NUP54: variants seen among roughly 807,000 people sequenced by gnomAD.
NUP54 encodes nucleoporin 54.
Under a neutral mutation model 66.4 loss-of-function variants are expected in NUP54, and 27 were observed. That is an observed-to-expected ratio of 0.41 (90% CI 0.30 to 0.56). The LOEUF (loss-of-function observed/expected upper bound fraction) is 0.56. Ranked by LOEUF, NUP54 falls within the 20% of genes least tolerant of loss-of-function variation. NUP54 has a pLI of 0.34. For synonymous variants in NUP54, 206 were observed against 210.7 expected, an observed-to-expected ratio of 0.98 and a Z score of 0.19; for missense variants, 486 against 596.3, an observed-to-expected ratio of 0.82 and a Z score of 1.93.
chr4:76,118,678 G>A (rs1730076984), intron 9 of NUP54, among the ~76,000 whole-genome samples: 1 of 150,032 alleles, frequency 6.7e-6, no homozygotes, highest in Non-Finnish European at 1.5e-5. Flanking sequence ...TTACAGGTGT[G>A]AGCCACTTTG....
chr4:76,125,744 A>AGAGGGG (rs1730485293), intron 8 of NUP54, among the ~76,000 whole-genome samples: 1 of 10,052 alleles, frequency 9.9e-5, no homozygotes, highest in African/African-American at 8.0e-4. Flanking sequence ...GAGAAGAGGG[A>AGAGGGG]GAGAGGGGGA....
intron 5 of NUP54, among the ~76,000 whole-genome samples, chr4:76,133,520 G>T (rs906340745): frequency 3.3e-5 from 5 of 151,926 alleles, no homozygotes; most frequent in African/African-American, 1.2e-4. Context: ...TGTCAGCCAG[G>T]ATGGCCTCGA....
In NUP54 at chr4:76,132,679, C is replaced by T. The variant is rs1730858907; in HGVS notation, c.751G>A (p.Gly251Ser). ...GTAGCTGGAACTCTTCTTGAAGTACCATTTGGCGAACGCTCAACAACATAA... is the reference window on the plus strand; with the variant it reads ...GTAGCTGGAACTCTTCTTGAAGTACTATTTGGCGAACGCTCAACAACATAA... ...VIYVVERSPNGTSRRVPATTL... is the reference protein window; with the variant it reads ...VIYVVERSPNSTSRRVPATTL... Residue 251 changes from glycine (G) to serine (S), a missense_variant, in exon 6 of 12, where the codon GGT (glycine) becomes AGT (serine). Coordinates refer to ENST00000264883, the MANE Select transcript of NUP54 (RefSeq NM_017426.4). 1 of 1,613,520 alleles carries T rather than the reference C, an allele frequency of 6.2e-7. No homozygotes were observed. Among genetic ancestry groups the T allele is most frequent in the African/African-American group, 1.3e-5 (1 of 74,842 alleles).
chr4:76,128,444 A>C (rs756191081), intron 8 of NUP54, among the ~76,000 whole-genome samples: 7 of 152,144 alleles, frequency 4.6e-5, no homozygotes, highest in Non-Finnish European at 8.8e-5. Flanking sequence ...AGAAAAGTAG[A>C]AACAGGAATG....
chr4:76,126,429 A>C (rs575519261), intron 8 of NUP54, among the ~76,000 whole-genome samples: 1 of 152,216 alleles, frequency 6.6e-6, no homozygotes, highest in South Asian at 2.1e-4. Flanking sequence ...CTTTTACAGA[A>C]ACTTTCCAAT....
At chr4:76,119,533 A>G (rs1024480254) in intron 9 of NUP54, among the ~76,000 whole-genome samples, 2 of 132,154 alleles carry the variant, frequency 1.5e-5, no homozygotes, top group South Asian at 5.0e-4. Context: ...TGCCTGGCTA[A>G]TTTTTTTTCT....
At chr4:76,137,482 T>C (rs1731085450) in intron 3 of NUP54, among the ~76,000 whole-genome samples, 2 of 152,270 alleles carry the variant, frequency 1.3e-5, no homozygotes, top group Middle Eastern at 3.4e-3. Flanking sequence ...AAATACAAAT[T>C]GGGGGATACA....
At position 76,144,372 on chromosome 4, in the gene NUP54, C is replaced by T. The variant is rs1731396475; in HGVS notation, c.151+18G>A. 3 of 1,599,814 alleles carry T rather than the reference C, an allele frequency of 1.9e-6. No individual in the cohort carries two copies. Among genetic ancestry groups the T allele is most frequent in the Non-Finnish European group, 2.6e-6 (3 of 1,176,142 alleles). On this transcript the variant is annotated intron_variant, in intron 2 of 11. Coordinates refer to ENST00000264883, the MANE Select transcript of NUP54 (RefSeq NM_017426.4). ...CTACTTCATTTACTTCTATGAATGA[C>T]TTAAGATGGCCTCTTACCAGTAGTG...
Position 76,115,291 on chromosome 4 carries a change from C to A in NUP54, c.*75G>T. ...TGTTTTCTTTTTCCCTCCATGTGGT[C>A]GGTTTCATTCTTAAGGAAGGTCTGA... On this transcript the variant is annotated 3_prime_UTR_variant, in exon 12 of 12. Coordinates refer to ENST00000264883, the MANE Select transcript of NUP54 (RefSeq NM_017426.4). 2 of 1,286,610 alleles carry A rather than the reference C, an allele frequency of 1.6e-6. No homozygotes were observed. Among genetic ancestry groups the A allele is most frequent in the South Asian group, 2.2e-5 (1 of 46,072 alleles). 79.7% of individuals were successfully genotyped at this position (1,286,610 alleles called of 1,614,324 possible). A position where few individuals can be genotyped will look rare whatever the true frequency, so the allele number is the denominator to read the frequency against.
intron 11 of NUP54, 37 bp from the exon 12 acceptor site, chr4:76,115,531 A>T (rs1729914401): frequency 1.3e-6 from 2 of 1,531,820 alleles, no homozygotes; most frequent in Middle Eastern, 3.4e-4. Flanking sequence ...TAATGTATTA[A>T]TTTCTTAAAA....
At chr4:76,118,907 A>G (rs1333124393) in intron 9 of NUP54, among the ~76,000 whole-genome samples, 2 of 152,010 alleles carry the variant, frequency 1.3e-5, no homozygotes, top group Admixed American at 1.3e-4. Flanking sequence ...CGGGAGGCTG[A>G]GGCAGGAGAA....
chr4:76,144,621 T>TA (rs997471660), intron 1 of NUP54, 148 bp from the exon 2 acceptor site: 2 of 586,594 alleles, frequency 3.4e-6, no homozygotes, highest in Non-Finnish European at 5.8e-6. Flanking sequence ...ATCAATTTTT[T>TA]AAAAAACTAT....
chr4:76,144,225 A>T lies in NUP54; in HGVS notation c.219T>A (p.Thr73=), dbSNP rs760829842. Residue 73 remains threonine (T), a synonymous_variant, in exon 3 of 12, where the codon ACT becomes ACA. Transcript: ENST00000264883. ...FGTGFGTTTG[T]STGLGTGLGT... Reference sequence around the variant, plus strand: ...CCAAACCAGTACCTAAACCAGTACTAGTTCCCGTTGTTGTGCCAAAACCAG... The same window carrying T: ...CCAAACCAGTACCTAAACCAGTACTTGTTCCCGTTGTTGTGCCAAAACCAG... The T allele has an allele frequency of 6.2e-6, 10 of 1,612,596 alleles. No homozygotes were observed.
intron 3 of NUP54, among the ~76,000 whole-genome samples, chr4:76,139,552 G>A (rs1482615837): frequency 6.6e-6 from 1 of 152,100 alleles, no homozygotes; most frequent in Non-Finnish European, 1.5e-5. Flanking sequence ...AAGAACTTAA[G>A]GGACATGACA....
intron 3 of NUP54, among the ~76,000 whole-genome samples, chr4:76,139,907 C>T (rs989133989): frequency 7.2e-5 from 11 of 152,032 alleles, no homozygotes; most frequent in Admixed American, 4.6e-4. Flanking sequence ...TAAGTGTTCA[C>T]TGGATTTACT....
At chr4:76,125,791 G>GAGGGAGAT (rs747704709) in intron 8 of NUP54, among the ~76,000 whole-genome samples, 800 of 36,882 alleles carry the variant, frequency 0.022, 53 homozygotes, top group East Asian at 0.12. Flanking sequence ...GAGGGGGAGA[G>GAGGGAGAT]AGGGAGAGGG....
chr4:76,120,617 C>T (rs1730193283), intron 9 of NUP54, among the ~76,000 whole-genome samples: 2 of 151,886 alleles, frequency 1.3e-5, no homozygotes, highest in African/African-American at 2.4e-5. Context: ...TTAGTAGAGT[C>T]GGGGTTTCAC....
intron 8 of NUP54, 124 bp from the exon 9 acceptor site, chr4:76,124,880 T>C: frequency 1.9e-6 from 1 of 520,010 alleles, no homozygotes; most frequent in Non-Finnish European, 3.4e-6. Context: ...ATATAAACTC[T>C]TTCCCTATAA....
intron 8 of NUP54, among the ~76,000 whole-genome samples, chr4:76,129,059 C>T (rs1363365171): frequency 2.0e-5 from 3 of 152,118 alleles, no homozygotes; most frequent in Non-Finnish European, 2.9e-5. Flanking sequence ...TATTGTGTTT[C>T]AAATAGCTAT....
Sources: allele counts gnomAD v4.1 joint callset (sites outside exome capture counted in the v4.1 genomes callset), GRCh38; gene constraint gnomAD v4.1.1; transcripts MANE v1.5; gene names NCBI Gene and HGNC (gene_info 2026-07-23, HGNC 2026-07-21).